The following PCLO variants were observed in gnomAD, a reference collection of about 807,000 sequenced individuals.
PCLO encodes the protein protein piccolo.
A neutral mutation model predicts 427.5 loss-of-function variants in PCLO; 82 were observed. The observed-to-expected ratio is 0.19, with a 90% CI of 0.16 to 0.23. The LOEUF is 0.23. Ranked by LOEUF, PCLO falls within the 10% of genes least tolerant of loss-of-function variation. The pLI is 1.00. For missense variants in PCLO, 6,239 were observed against 6,115.9 expected (o/e 1.02, Z -0.67); for synonymous variants, 2,357 against 2,155.4 (o/e 1.09, Z -2.59).
intron 6 of PCLO, among the ~76,000 whole-genome samples, chr7:82,940,888 G>A (rs543775052): frequency 1.3e-5 from 2 of 149,426 alleles, no homozygotes; most frequent in African/African-American, 2.5e-5. Flanking sequence ...TTAGCCTCCC[G>A]AGTAGCTGGG....
intron 6 of PCLO, among the ~76,000 whole-genome samples, chr7:82,941,120 C>G (rs986090398): frequency 5.3e-5 from 8 of 150,906 alleles, no homozygotes; most frequent in Non-Finnish European, 1.2e-4. Flanking sequence ...AATTTGGATT[C>G]TTTGCAACTT....
intron 20 of PCLO, chr7:82,821,913 G>A: frequency 2.0e-6 from 2 of 985,500 alleles, no homozygotes; most frequent in Non-Finnish European, 2.4e-6. Context: ...TTTTGCACAT[G>A]GAAAGCTACC....
At chr7:83,059,932 C>T (rs1244490507) in intron 3 of PCLO, among the ~76,000 whole-genome samples, 3 of 152,134 alleles carry the variant, frequency 2.0e-5, no homozygotes, top group African/African-American at 7.2e-5. Context: ...ATGACTGTAG[C>T]ATTTTTTGAG....
intron 3 of PCLO, among the ~76,000 whole-genome samples, chr7:83,022,661 T>C (rs1448674864): frequency 1.3e-5 from 2 of 152,184 alleles, no homozygotes; most frequent in African/African-American, 4.8e-5. Context: ...TCTTTCAAAA[T>C]AGACACGCTG....
intron 3 of PCLO, among the ~76,000 whole-genome samples, chr7:83,124,768 C>T (rs995885784): frequency 6.6e-6 from 1 of 152,046 alleles, no homozygotes; most frequent in Admixed American, 6.6e-5. Flanking sequence ...CCCTCTCCCT[C>T]GTCTCCCTCT....
chr7:82,962,142 A>G (rs563729633), intron 4 of PCLO, among the ~76,000 whole-genome samples: 1 of 152,282 alleles, frequency 6.6e-6, no homozygotes, highest in Admixed American at 6.5e-5. Flanking sequence ...CTAATAACAA[A>G]CCTTACCCTA....
At chr7:83,127,699 C>T (rs34938829) in intron 3 of PCLO, among the ~76,000 whole-genome samples, 74,705 of 151,862 alleles carry the variant, frequency 0.49, 19,288 homozygotes, top group East Asian at 0.69. Flanking sequence ...CTGAACATTT[C>T]CCCTAAAGCC....
intron 3 of PCLO, among the ~76,000 whole-genome samples, chr7:83,080,836 T>C (rs938211714): frequency 2.0e-5 from 3 of 152,056 alleles, no homozygotes; most frequent in Admixed American, 6.6e-5. Flanking sequence ...CTGAATCCTA[T>C]ATGTACTATC....
chr7:83,015,820 G>A (rs943707481), intron 3 of PCLO, among the ~76,000 whole-genome samples: 9 of 151,814 alleles, frequency 5.9e-5, no homozygotes, highest in Admixed American at 1.3e-4. Context: ...AACATTACAC[G>A]TTCTTAGAAA....
At chr7:82,784,901 C>T (rs987711481) in intron 22 of PCLO, among the ~76,000 whole-genome samples, 1 of 151,982 alleles carries the variant, frequency 6.6e-6, no homozygotes, top group Non-Finnish European at 1.5e-5. Context: ...CCATTACCTG[C>T]CTATAATATA....
chr7:82,977,316 T>C (rs1232676038), intron 3 of PCLO, among the ~76,000 whole-genome samples: 1 of 151,562 alleles, frequency 6.6e-6, no homozygotes, highest in Admixed American at 6.6e-5. Context: ...ATATGAATAG[T>C]TCTGTGCTTT....
At chr7:82,864,600 C>T (rs777049374) in intron 10 of PCLO, among the ~76,000 whole-genome samples, 2 of 152,094 alleles carry the variant, frequency 1.3e-5, no homozygotes, top group Non-Finnish European at 1.5e-5. Context: ...ATGCATTTCT[C>T]CTCCAACTTC....
At chr7:82,920,828 A>G (rs17156848) in intron 6 of PCLO, among the ~76,000 whole-genome samples, 9,995 of 151,828 alleles carry the variant, frequency 0.066, 1,085 homozygotes, top group African/African-American at 0.22. Flanking sequence ...TCTGAGCTCA[A>G]CATGAGGATG....
intron 4 of PCLO, among the ~76,000 whole-genome samples, chr7:82,958,915 T>A (rs1795593756): frequency 6.6e-6 from 1 of 152,168 alleles, no homozygotes; most frequent in Non-Finnish European, 1.5e-5. Flanking sequence ...CTTGTTTATC[T>A]TTTTTTAACC....
intron 3 of PCLO, among the ~76,000 whole-genome samples, chr7:83,096,735 CTTT>C (rs1790548652): frequency 2.5e-5 from 2 of 80,362 alleles, no homozygotes; most frequent in East Asian, 4.8e-4. Flanking sequence ...AAGCTCCAAT[CTTT>C]TTTATTATAT....
chr7:82,940,153 A>T (rs1795045596), intron 6 of PCLO, among the ~76,000 whole-genome samples: 1 of 152,210 alleles, frequency 6.6e-6, no homozygotes, highest in African/African-American at 2.4e-5. Context: ...TAATCAATGA[A>T]ATCTGAGCTT....
intron 3 of PCLO, among the ~76,000 whole-genome samples, chr7:82,983,080 A>G (rs1583870137): frequency 6.6e-6 from 1 of 151,834 alleles, no homozygotes; most frequent in East Asian, 1.9e-4. Flanking sequence ...TAAATTTAAG[A>G]TATTTTAAAA....
At chr7:83,093,451 C>T (rs1790432646) in intron 3 of PCLO, among the ~76,000 whole-genome samples, 1 of 129,190 alleles carries the variant, frequency 7.7e-6, no homozygotes, top group Admixed American at 8.7e-5. Context: ...TTATCAACCA[C>T]AAACATATAT....
At chr7:82,995,068 G>T (rs1424020799) in intron 3 of PCLO, among the ~76,000 whole-genome samples, 1 of 151,924 alleles carries the variant, frequency 6.6e-6, no homozygotes, top group African/African-American at 2.4e-5. Context: ...TTGAATATAT[G>T]GGTCTGAAGC....
Sources: allele counts gnomAD v4.1 joint callset (sites outside exome capture counted in the v4.1 genomes callset), GRCh38; gene constraint gnomAD v4.1.1; transcripts MANE v1.5; gene names NCBI Gene and HGNC (gene_info 2026-07-23, HGNC 2026-07-21).